Variants in GALNT13 observed in about 807,000 individuals in gnomAD.
GALNT13 encodes UDP-GalNAc:polypeptide N-acetylgalactosaminyltransferase 13.
Under a neutral mutation model 64.2 loss-of-function variants are expected in GALNT13, and 28 were observed. The observed-to-expected ratio is 0.44, with a 90% CI of 0.32 to 0.60. The LOEUF (loss-of-function observed/expected upper bound fraction) is 0.60. GALNT13 is among the 20% of genes least tolerant of loss of function. The pLI, the probability that GALNT13 is intolerant of heterozygous loss-of-function variation, is 0.05. For synonymous variants in GALNT13, 214 were observed against 224.6 expected, an observed-to-expected ratio of 0.95 and a Z score of 0.42; for missense variants, 577 against 669.8, an observed-to-expected ratio of 0.86 and a Z score of 1.53.
chr2:153,156,134 A>G, the GALNT13 span, among the ~76,000 whole-genome samples: 1 of 152,194 alleles, frequency 6.6e-6, no homozygotes, highest in Non-Finnish European at 1.5e-5. Context: ...GCATTTGCCA[A>G]GGAGTGTTTT....
the GALNT13 span, among the ~76,000 whole-genome samples, chr2:153,541,615 G>A: frequency 6.6e-6 from 1 of 152,140 alleles, no homozygotes; most frequent in Non-Finnish European, 1.5e-5. Flanking sequence ...TAAATTATCT[G>A]ATCTACCTTG....
At chr2:154,329,617 T>C (rs1056378857) in intron 9 of GALNT13, among the ~76,000 whole-genome samples, 1 of 152,082 alleles carries the variant, frequency 6.6e-6, no homozygotes, top group Non-Finnish European at 1.5e-5. Context: ...GTTGGGATGT[T>C]TGTCCCCTCA....
At chr2:154,368,151 A>T (rs943425970) in intron 9 of GALNT13, among the ~76,000 whole-genome samples, 1 of 30,568 alleles carries the variant, frequency 3.3e-5, no homozygotes, top group Admixed American at 5.5e-4. Context: ...GATAAATTGG[A>T]TAAAATATGT....
chr2:154,220,395 A>C (rs1186169940), intron 4 of GALNT13, among the ~76,000 whole-genome samples: 1 of 152,112 alleles, frequency 6.6e-6, no homozygotes, highest in African/African-American at 2.4e-5. Flanking sequence ...AGTTATTCTG[A>C]TGACATACCA....
At chr2:153,520,502 C>A in the GALNT13 span, among the ~76,000 whole-genome samples, 8 of 152,152 alleles carry the variant, frequency 5.3e-5, no homozygotes, top group Non-Finnish European at 1.2e-4. Flanking sequence ...CTGAAGAAAT[C>A]AGAACTCAGT....
At chr2:153,398,856 T>C in the GALNT13 span, among the ~76,000 whole-genome samples, 5 of 137,454 alleles carry the variant, frequency 3.6e-5, no homozygotes, top group South Asian at 1.2e-3. Context: ...GTGAAAATTT[T>C]CTCCCATGTT....
chr2:153,533,169 T>G, the GALNT13 span, among the ~76,000 whole-genome samples: 1 of 152,186 alleles, frequency 6.6e-6, no homozygotes, highest in Non-Finnish European at 1.5e-5. Flanking sequence ...TATCTTTCAT[T>G]TTCTGTAATT....
chr2:154,409,026 C>A lies in GALNT13; in HGVS notation c.1339C>A (p.Arg447Ser). ...CAATCAGTGTTTAGACAACATGGGCCGCAAGGAAAATGAAAAAGTGGGTAT... is the reference window on the plus strand; with the variant it reads ...CAATCAGTGTTTAGACAACATGGGCAGCAAGGAAAATGAAAAAGTGGGTAT... ...ETNQCLDNMGRKENEKVGIFN... is the reference protein window; with the variant it reads ...ETNQCLDNMGSKENEKVGIFN... Residue 447 changes from arginine (R) to serine (S), a missense_variant, in exon 11 of 13, where the codon CGC becomes AGC. This residue lies in a region of GALNT13 where 232 missense variants were observed against 270.6 expected (regional missense o/e 0.86). Coordinates refer to ENST00000392825, the MANE Select transcript of GALNT13 (RefSeq NM_052917.4). 6.2e-7 allele frequency: 1 copy of A among 1,611,230 alleles called. No individual in the cohort carries two copies. Among genetic ancestry groups the A allele is most frequent in the Non-Finnish European group, 8.5e-7 (1 of 1,178,148 alleles).
chr2:153,127,051 T>C, the GALNT13 span, among the ~76,000 whole-genome samples: 17 of 152,166 alleles, frequency 1.1e-4, no homozygotes, highest in African/African-American at 3.9e-4. Flanking sequence ...TAAAAGGATA[T>C]GCAATCTAAT....
chr2:154,259,854 G>A (rs1177762113), intron 8 of GALNT13, among the ~76,000 whole-genome samples: 1 of 151,890 alleles, frequency 6.6e-6, no homozygotes, highest in African/African-American at 2.4e-5. Context: ...AAAATTCAGT[G>A]TAAACTATTT....
chr2:154,289,979 G>T (rs1183168285), intron 8 of GALNT13, among the ~76,000 whole-genome samples: 1 of 152,144 alleles, frequency 6.6e-6, no homozygotes, highest in African/African-American at 2.4e-5. Context: ...CTTGTTCCCT[G>T]TGGTCTAGGA....
At chr2:153,759,463 G>A in the GALNT13 span, among the ~76,000 whole-genome samples, 9 of 152,050 alleles carry the variant, frequency 5.9e-5, no homozygotes, top group South Asian at 2.1e-4. Context: ...CTTTCATTGT[G>A]TTGAGGTACA....
chr2:154,127,943 TACTTATCC>T (rs1007825481), intron 3 of GALNT13, among the ~76,000 whole-genome samples: 2 of 151,918 alleles, frequency 1.3e-5, no homozygotes, highest in African/African-American at 2.4e-5. Flanking sequence ...GCAAGTTTAT[TACTTATCC>T]TTAGAGCACT....
intron 3 of GALNT13, among the ~76,000 whole-genome samples, chr2:153,971,219 G>T (rs1407336922): frequency 6.6e-6 from 1 of 152,098 alleles, no homozygotes; most frequent in African/African-American, 2.4e-5. Flanking sequence ...CAGTGACTCA[G>T]TATAGCCCAC....
chr2:153,849,602 G>T, the GALNT13 span, among the ~76,000 whole-genome samples: 21 of 152,098 alleles, frequency 1.4e-4, no homozygotes, highest in East Asian at 2.5e-3. Context: ...AAGAATATAG[G>T]GAAGGATAAC....
chr2:153,299,447 T>C, the GALNT13 span, among the ~76,000 whole-genome samples: 1 of 152,174 alleles, frequency 6.6e-6, no homozygotes, highest in Non-Finnish European at 1.5e-5. Flanking sequence ...CTAGCAATAA[T>C]AGGAACTGTT....
chr2:153,965,344 C>G (rs997904433), intron 3 of GALNT13, among the ~76,000 whole-genome samples: 1 of 152,036 alleles, frequency 6.6e-6, no homozygotes, highest in Non-Finnish European at 1.5e-5. Flanking sequence ...CTTTTCTACC[C>G]CTACCACATT....
At chr2:153,544,848 G>A in the GALNT13 span, among the ~76,000 whole-genome samples, 1 of 152,124 alleles carries the variant, frequency 6.6e-6, no homozygotes, top group Non-Finnish European at 1.5e-5. Context: ...GGAATCTTAA[G>A]TTAACAAAAT....
At chr2:153,865,453 C>G in the GALNT13 span, among the ~76,000 whole-genome samples, 1 of 143,756 alleles carries the variant, frequency 7.0e-6, no homozygotes, top group Non-Finnish European at 1.5e-5. Flanking sequence ...TGAACTCAAA[C>G]AAATTTACAA....
Sources: gnomAD v4.1 joint callset for allele counts (sites outside exome capture counted in the v4.1 genomes callset) on GRCh38, gnomAD v4.1.1 for gene constraint, gnomAD v4.1.1 regional missense constraint, MANE v1.5 for transcripts, NCBI Gene and HGNC (gene_info 2026-07-23, HGNC 2026-07-21) for gene names.